The following LRP11 variants were observed in gnomAD, a reference collection of about 807,000 sequenced individuals.
LRP11 encodes the protein low-density lipoprotein receptor-related protein 11.
A neutral mutation model predicts 43.1 loss-of-function variants in LRP11; 25 were observed. That is an observed-to-expected ratio of 0.58 (90% CI 0.42 to 0.81). The LOEUF is 0.81. LRP11 is among the 30% of genes least tolerant of loss of function. LRP11 has a pLI of 0.00. For missense variants in LRP11, 623 were observed against 665.1 expected (o/e 0.94, Z 0.70); for synonymous variants, 316 against 299.4 (o/e 1.06, Z -0.57).
intron 2 of LRP11, chr6:149,852,440 G>C (rs1214955954): frequency 6.6e-6 from 1 of 152,296 alleles, no homozygotes; most frequent in East Asian, 1.9e-4. Context: ...GCAGCCACCA[G>C]CCACATGGCT....
rs760379286 is a variant in LRP11 at position 149,826,304 on chromosome 6, C to G, written c.1308G>C (p.Lys436Asn). 39 of 1,613,754 alleles carry G rather than the reference C, an allele frequency of 2.4e-5. No individual in the cohort carries two copies. Among genetic ancestry groups the G allele is most frequent in the Middle Eastern group, 3.3e-4 (2 of 6,082 alleles). The change falls in exon 6 of 7, where the codon AAG becomes AAC. Residue 436 changes from lysine to asparagine, a missense_variant. Coordinates refer to ENST00000239367, the MANE Select transcript of LRP11 (RefSeq NM_032832.6). ...GGTGTTCCCCTCCTCCTCCATCACC[C>G]TTTGACTCAAATATATAACTTTCCT... The part of the protein sequence containing the change: ...RKEESYIFES[K>N]GDGGGGEHPA...
At chr6:149,831,151 T>G (rs149395846) in intron 5 of LRP11, among the ~76,000 whole-genome samples, 1 of 152,360 alleles carries the variant, frequency 6.6e-6, no homozygotes, top group Non-Finnish European at 1.5e-5. Context: ...TTTCCTTTCT[T>G]CTGAATGTAT....
chr6:149,847,657 A>C (rs1018277342), intron 2 of LRP11, among the ~76,000 whole-genome samples: 3 of 152,172 alleles, frequency 2.0e-5, no homozygotes, highest in African/African-American at 7.2e-5. Context: ...AGGAGCTCCC[A>C]ATCTCTGCTC....
In LRP11 at chr6:149,853,083, C is replaced by T. The variant is rs754698866; in HGVS notation, c.691G>A (p.Gly231Ser). 5 of 1,612,578 alleles carry T rather than the reference C, an allele frequency of 3.1e-6. No individual in the cohort carries two copies. The highest frequency in any genetic ancestry group is 3.3e-5 in the Admixed American group (2 of 59,854). Residue 231 changes from glycine to serine, a missense_variant, in exon 2 of 7, where the codon GGC (glycine) becomes AGC (serine). Coordinates refer to ENST00000239367, the MANE Select transcript of LRP11 (RefSeq NM_032832.6). The stretch of plus-strand genomic sequence containing the variant: ...GCGTGGTCATCTGTGCTCTCGCGGC[C>T]GTCTAGAACCACCCCGTCTGTGGGC... ...HLPTDGVVLD[G>S]RESTDDHAIV...
chr6:149,848,514 T>C (rs987807057), intron 2 of LRP11, among the ~76,000 whole-genome samples: 3 of 152,194 alleles, frequency 2.0e-5, no homozygotes, highest in Non-Finnish European at 4.4e-5. Context: ...ATGAAGAATA[T>C]GTGGTACATA....
intron 6 of LRP11, 116 bp downstream of exon 6, chr6:149,826,148 A>T: frequency 1.2e-6 from 1 of 811,540 alleles, no homozygotes; most frequent in Non-Finnish European, 2.2e-6. Flanking sequence ...CTTTCGGTCC[A>T]CTGACGGACT....
Position 149,864,319 on chromosome 6 carries a change from T to G in LRP11, c.-299A>C. ...CTGCGGCGCGCTGGGTGGCGACGAGTCGGCCTCGGCGTTGATCAGCACCAG... is the reference window on the plus strand; with the variant it reads ...CTGCGGCGCGCTGGGTGGCGACGAGGCGGCCTCGGCGTTGATCAGCACCAG... On this transcript the variant is annotated 5_prime_UTR_variant, in exon 1 of 7. Coordinates refer to ENST00000239367, the MANE Select transcript of LRP11 (RefSeq NM_032832.6). 8.8e-6 allele frequency: 9 copies of G among 1,022,900 alleles called. No homozygotes were observed. Among genetic ancestry groups the G allele is most frequent in the Non-Finnish European group, 1.1e-5 (9 of 855,310 alleles). 63.4% of individuals were successfully genotyped at this position (1,022,900 alleles called of 1,614,324 possible). A position where few individuals can be genotyped will look rare whatever the true frequency, so the allele number is the denominator to read the frequency against.
rs71010876 is a variant in LRP11, at chr6:149,846,953, TAATAGAATAGAATAGAATAGAATAG to T, written c.772-3854_772-3830del. Among the ~76,000 whole-genome samples, 69 of 131,518 alleles carry T rather than the reference TAATAGAATAGAATAGAATAGAATAG, an allele frequency of 5.2e-4. No homozygotes were observed. In the South Asian group the frequency reaches 7.9e-3, roughly 15 times the overall value. 86.3% of individuals were successfully genotyped at this position (131,518 alleles called of 152,430 possible). On this transcript the variant is annotated intron_variant, in intron 2 of 6. Coordinates refer to ENST00000239367, the MANE Select transcript of LRP11 (RefSeq NM_032832.6). The stretch of plus-strand genomic sequence containing the variant: ...TATCTCAATATAAAATAAAATAAAA[TAATAGAATAGAATAGAATAGAATAG>T]AATAGAATAGAATAGAATAGAATAG...
chr6:149,845,006 A>G (rs770239417), intron 2 of LRP11, among the ~76,000 whole-genome samples: 20 of 152,210 alleles, frequency 1.3e-4, no homozygotes, highest in Non-Finnish European at 4.4e-5. Flanking sequence ...CAGGTGACCC[A>G]TGATCACACT....
At chr6:149,848,107 G>C (rs1776666122) in intron 2 of LRP11, among the ~76,000 whole-genome samples, 1 of 152,128 alleles carries the variant, frequency 6.6e-6, no homozygotes, top group East Asian at 1.9e-4. Context: ...AACGCCCAGT[G>C]TGATGGCGTT....
Position 149,859,393 on chromosome 6 carries a change from TATA to T in LRP11, c.613+4012_613+4014del, listed in dbSNP as rs199574405. Among the ~76,000 whole-genome samples the T allele has an allele frequency of 1.5e-4, 14 of 94,776 alleles. No homozygotes were observed. In the East Asian group the frequency reaches 5.8e-3, roughly 40 times the overall value. 62.2% of individuals were successfully genotyped at this position (94,776 alleles called of 152,430 possible). On this transcript the variant is annotated intron_variant, in intron 1 of 6. Transcript: ENST00000239367. Reference sequence around the variant, plus strand: ...TTGCTGACTCATATATATATATATATATATTTTTTTTTTTTTTTTTTTGACCGA... The same window carrying T: ...TTGCTGACTCATATATATATATATATTTTTTTTTTTTTTTTTTTTGACCGA...
At position 149,863,831 on chromosome 6, in the gene LRP11, GGCGGAA is replaced by G; in HGVS notation, c.184_189del (p.Phe62_Arg63del). On this transcript the variant is annotated inframe_deletion, in exon 1 of 7. Coordinates refer to ENST00000239367, the MANE Select transcript of LRP11 (RefSeq NM_032832.6). ...TGAGGCCGCTCCTGCTGCAGTTGCCGGCGGAACTCCTCCAGCAGCTGCTCCACGCCC... is the reference window on the plus strand; with the variant it reads ...TGAGGCCGCTCCTGCTGCAGTTGCCGCTCCTCCAGCAGCTGCTCCACGCCC... 1 of 1,511,272 alleles carries G rather than the reference GGCGGAA, an allele frequency of 6.6e-7. No homozygotes were observed. 93.6% of individuals were successfully genotyped at this position (1,511,272 alleles called of 1,614,324 possible).
intron 5 of LRP11, among the ~76,000 whole-genome samples, chr6:149,826,618 G>A (rs754340693): frequency 2.6e-5 from 4 of 151,720 alleles, no homozygotes; most frequent in Admixed American, 6.6e-5. Context: ...CTACCACCAC[G>A]CCTCTTGGAG....
At chr6:149,836,362 C>A in intron 4 of LRP11, 65 bp from the exon 5 acceptor site, 1 of 1,357,364 alleles carries the variant, frequency 7.4e-7, no homozygotes, top group Non-Finnish European at 1.0e-6. Context: ...ACTAAAAACA[C>A]TACATCTGCA....
chr6:149,846,834 T>G (rs1345940444), intron 2 of LRP11, among the ~76,000 whole-genome samples: 1 of 152,038 alleles, frequency 6.6e-6, no homozygotes, highest in Non-Finnish European at 1.5e-5. Flanking sequence ...CTTGGGAGGC[T>G]GAGGCATGAG....
intron 3 of LRP11, among the ~76,000 whole-genome samples, chr6:149,841,312 T>C (rs1776543598): frequency 6.6e-6 from 1 of 152,178 alleles, no homozygotes; most frequent in Admixed American, 6.5e-5. Flanking sequence ...ACCATCTGGA[T>C]CCTGAGTATT....
At chr6:149,863,376 G>C in intron 1 of LRP11, 32 bp downstream of exon 1, 1 of 1,327,272 alleles carries the variant, frequency 7.5e-7, no homozygotes. Context: ...CGAGCGCTCT[G>C]GCCAAGGCCG....
At chr6:149,846,953 T>TAGAATAGAATAG (rs1554259656) in intron 2 of LRP11, among the ~76,000 whole-genome samples, 35 of 131,518 alleles carry the variant, frequency 2.7e-4, no homozygotes, top group African/African-American at 8.5e-4. Flanking sequence ...TAAAATAAAA[T>TAGAATAGAATAG]AATAGAATAG....
In LRP11 at chr6:149,845,578, G is replaced by A. The variant is rs560605644; in HGVS notation, c.772-2454C>T. On this transcript the variant is annotated intron_variant, in intron 2 of 6. Transcript: ENST00000239367. ...ACAGAATGCCAAACGGGTCATTTAC[G>A]TGAGTGCTAAAATACTAAGGGCAGC... Among the ~76,000 whole-genome samples, 7 of 152,304 alleles carry A rather than the reference G, an allele frequency of 4.6e-5. No homozygotes were observed. The East Asian group carries it at 9.6e-4, about 21-fold the overall frequency.
Sources: gnomAD v4.1 joint callset for allele counts (sites outside exome capture counted in the v4.1 genomes callset) on GRCh38, gnomAD v4.1.1 for gene constraint, MANE v1.5 for transcripts, NCBI Gene and HGNC (gene_info 2026-07-23, HGNC 2026-07-21) for gene names.